LIN54: variants seen among roughly 807,000 people sequenced by gnomAD.
LIN54 encodes the protein lin-54 DREAM MuvB core complex component.
LIN54 carries 9 observed loss-of-function variants against 78.7 expected under a neutral mutation model. That is an observed-to-expected ratio of 0.11 (90% confidence interval 0.07 to 0.20). The LOEUF is 0.20. Among genes scored for constraint, LIN54 ranks in the 10% least tolerant of loss-of-function variants. The pLI is 1.00. For missense variants in LIN54, 573 were observed against 889.9 expected (o/e 0.64, Z 4.53); for synonymous variants, 269 against 318.4 (o/e 0.84, Z 1.65).
chr4:82,925,618 A>G lies in LIN54; in HGVS notation c.*2484T>C, dbSNP rs1199039160. On this transcript the variant is annotated 3_prime_UTR_variant, in exon 13 of 13. Transcript: ENST00000340417. ...AATTTTTTAGTTGTGTGTTTTCAGA[A>G]GTAATGTCAAATTTACTTCAGATAA... 4 of 152,690 alleles carry G rather than the reference A, an allele frequency of 2.6e-5. No homozygotes were observed. The highest frequency in any genetic ancestry group is 2.6e-4 in the Admixed American group (4 of 15,290). The allele number at this position is 152,690 out of a possible 1,614,324, so 9.5% of individuals were successfully genotyped here. A position where few individuals can be genotyped will look rare whatever the true frequency, so the allele number is the denominator to read the frequency against.
chr4:82,947,235 A>ATATATATATATTTTTTT, intron 4 of LIN54, among the ~76,000 whole-genome samples: 1 of 44,290 alleles, frequency 2.3e-5, no homozygotes, highest in Admixed American at 4.1e-4. Flanking sequence ...ATATATATAT[A>ATATATATATATTTTTTT]TTTTTTTTTT....
intron 4 of LIN54, among the ~76,000 whole-genome samples, chr4:82,963,261 T>C (rs1724948723): frequency 6.6e-6 from 1 of 152,138 alleles, no homozygotes; most frequent in African/African-American, 2.4e-5. Context: ...CTTTTAAAAA[T>C]AATGGCAAGA....
chr4:82,974,041 TC>T, intron 3 of LIN54, among the ~76,000 whole-genome samples: 1 of 152,048 alleles, frequency 6.6e-6, no homozygotes, highest in East Asian at 1.9e-4. Context: ...AAACCCCATC[TC>T]TACTAAAAAT....
chr4:82,990,772 C>T (rs774956310), intron 1 of LIN54, among the ~76,000 whole-genome samples: 6 of 152,136 alleles, frequency 3.9e-5, no homozygotes, highest in Non-Finnish European at 5.9e-5. Flanking sequence ...CGTGAGCCAC[C>T]GCGCCCAGCC....
rs960021930 is a variant in LIN54 at position 82,940,017 on chromosome 4, A to C, written c.1169-55T>G. 7 of 1,233,388 alleles carry C rather than the reference A, an allele frequency of 5.7e-6. No individual in the cohort carries two copies. In the East Asian group the frequency reaches 1.6e-4, roughly 29 times the overall value. 76.4% of individuals were successfully genotyped at this position (1,233,388 alleles called of 1,614,324 possible). ...AGTTATTTACAGAAAATAGTATTTA[A>C]AACACTTAAGAATACTTAGCTCTCC... On this transcript the variant is annotated intron_variant, in intron 5 of 12. Transcript: ENST00000340417.
intron 1 of LIN54, among the ~76,000 whole-genome samples, chr4:83,003,168 C>A (rs1210818266): frequency 6.6e-6 from 1 of 152,116 alleles, no homozygotes; most frequent in Non-Finnish European, 1.5e-5. Context: ...CGTGTGCCAC[C>A]ACGCTTGGCT....
chr4:82,947,235 A>ATTTTTTTTTTTTTT lies in LIN54; in HGVS notation c.952-775_952-762dup, dbSNP rs34511957. ...TATATATATATATATATATATATAT[A>ATTTTTTTTTTTTTT]TTTTTTTTTTTTTTGAAGACAGGGT... On this transcript the variant is annotated intron_variant, in intron 4 of 12. Transcript: ENST00000340417. Among the ~76,000 whole-genome samples, 13 of 44,286 alleles carry ATTTTTTTTTTTTTT rather than the reference A, an allele frequency of 2.9e-4. 1 individual carries two copies. The highest frequency in any genetic ancestry group is 1.0e-3 in the African/African-American group (10 of 10,024). The allele number at this position is 44,286 out of a possible 152,430, so 29.1% of individuals were successfully genotyped here.
chr4:82,961,483 T>C lies in LIN54; in HGVS notation c.951+8844A>G, dbSNP rs115252680. On this transcript the variant is annotated intron_variant, in intron 4 of 12. Coordinates refer to ENST00000340417, the MANE Select transcript of LIN54 (RefSeq NM_194282.4). ...CTATGTGACGGTTCATTACCTACCA[T>C]AGGCCAGACAAACAGGAAAGATTTG... Among the ~76,000 whole-genome samples the C allele has an allele frequency of 9.2e-3, 1,400 of 152,086 alleles. 23 individuals carry two copies. Among genetic ancestry groups the C allele is most frequent in the African/African-American group, 0.029 (1,203 of 41,452 alleles).
intron 3 of LIN54, among the ~76,000 whole-genome samples, chr4:82,977,060 G>A (rs969782359): frequency 2.0e-5 from 3 of 152,050 alleles, no homozygotes; most frequent in Non-Finnish European, 4.4e-5. Flanking sequence ...TGATAGTCAC[G>A]GTGAACTCTT....
intron 1 of LIN54, among the ~76,000 whole-genome samples, chr4:83,001,343 G>T (rs1055153924): frequency 3.8e-5 from 1 of 26,158 alleles, no homozygotes; most frequent in Non-Finnish European, 9.9e-5. Context: ...CTTGAGCCCC[G>T]CAGTTTGAGT....
chr4:82,943,427 C>T (rs1399873420), intron 5 of LIN54, among the ~76,000 whole-genome samples: 1 of 152,138 alleles, frequency 6.6e-6, no homozygotes, highest in East Asian at 1.9e-4. Flanking sequence ...ACAAGATAAG[C>T]CCCTTTGGCA....
intron 1 of LIN54, among the ~76,000 whole-genome samples, chr4:82,996,003 G>T (rs183064868): frequency 4.3e-4 from 66 of 151,820 alleles, no homozygotes; most frequent in Non-Finnish European, 2.4e-4. Context: ...AAATTAGCTG[G>T]GCGTGGTGGC....
At position 82,932,757 on chromosome 4, in the gene LIN54, G is replaced by A. The variant is rs892262120; in HGVS notation, c.1846-1612C>T. Among the ~76,000 whole-genome samples, 8 of 152,006 alleles carry A rather than the reference G, an allele frequency of 5.3e-5. No homozygotes were observed. In the East Asian group the frequency reaches 7.8e-4, roughly 15 times the overall value. ...GGAGAATCGCTTGAACCCGGGAGGC[G>A]GAGGTTGCAGTGAGCCGCGATCACG... On this transcript the variant is annotated intron_variant, in intron 11 of 12. Coordinates refer to ENST00000340417, the MANE Select transcript of LIN54 (RefSeq NM_194282.4).
intron 11 of LIN54, 93 bp downstream of exon 11, chr4:82,935,888 A>C: frequency 3.2e-6 from 4 of 1,258,414 alleles, no homozygotes; most frequent in Non-Finnish European, 3.5e-6. Context: ...TTGCAATAGC[A>C]AGGTGATTTC....
chr4:82,959,330 A>G (rs757738445), intron 4 of LIN54, among the ~76,000 whole-genome samples: 7 of 151,990 alleles, frequency 4.6e-5, no homozygotes, highest in Non-Finnish European at 8.8e-5. Context: ...CGAGATTCCA[A>G]AAAAAATTTT....
chr4:82,954,066 AT>A (rs558066994), intron 4 of LIN54, among the ~76,000 whole-genome samples: 9 of 152,240 alleles, frequency 5.9e-5, no homozygotes, highest in African/African-American at 9.6e-5. Context: ...ATGTAAAAAA[AT>A]AACATAAAAT....
upstream of LIN54, among the ~76,000 whole-genome samples, chr4:83,012,195 G>T (rs1578687747): frequency 6.6e-6 from 1 of 151,946 alleles, no homozygotes; most frequent in Non-Finnish European, 1.5e-5. Context: ...CCGTCCATCC[G>T]CACTCTGCTT....
chr4:82,963,128 T>C (rs1202964112), intron 4 of LIN54, among the ~76,000 whole-genome samples: 1 of 151,934 alleles, frequency 6.6e-6, no homozygotes, highest in Non-Finnish European at 1.5e-5. Flanking sequence ...ATTATATACA[T>C]AGAAAAAAGT....
rs7697873 is a variant in LIN54 at position 83,001,955 on chromosome 4, G to A, written c.-33+8529C>T. On this transcript the variant is annotated intron_variant, in intron 1 of 12. Coordinates refer to ENST00000340417, the MANE Select transcript of LIN54 (RefSeq NM_194282.4). The stretch of plus-strand genomic sequence containing the variant: ...GGAAGGAAGGAAGGAAGGAAGGAAG[G>A]AAGGAAGGAAGGAAGGAAGGAAGGG... Among the ~76,000 whole-genome samples, 13 of 9,478 alleles carry A rather than the reference G, an allele frequency of 1.4e-3. 3 individuals carry two copies. Among genetic ancestry groups the A allele is most frequent in the African/African-American group, 3.4e-3 (13 of 3,846 alleles). The allele number at this position is 9,478 out of a possible 152,430, so 6.2% of individuals were successfully genotyped here.
Sources: allele counts gnomAD v4.1 joint callset (sites outside exome capture counted in the v4.1 genomes callset), GRCh38; gene constraint gnomAD v4.1.1; transcripts MANE v1.5; gene names NCBI Gene and HGNC (gene_info 2026-07-23, HGNC 2026-07-21).